CNTN1: variants seen among roughly 807,000 people sequenced by gnomAD.
CNTN1 encodes contactin 1, also known as contactin-1.
Under a neutral mutation model 126.4 loss-of-function variants are expected in CNTN1, and 38 were observed. The ratio of observed to expected loss-of-function variants is 0.30; its 90% CI spans 0.23 to 0.39. The LOEUF (loss-of-function observed/expected upper bound fraction) is 0.39, where lower values mean the gene tolerates loss of function less well. CNTN1 is among the 10% of genes least tolerant of loss of function. The pLI is 1.00. For synonymous variants in CNTN1, 413 were observed against 422.6 expected, an observed-to-expected ratio of 0.98 and a Z score of 0.28; for missense variants, 1,009 against 1,248.4, an observed-to-expected ratio of 0.81 and a Z score of 2.89.
intron 1 of CNTN1, among the ~76,000 whole-genome samples, chr12:40,749,443 C>T (rs4768306): frequency 0.13 from 19,989 of 151,934 alleles, 2,037 homozygotes; most frequent in East Asian, 0.47. Context: ...CTACTTGAGA[C>T]GTCTTTCAAA....
At position 41,029,817 on chromosome 12, in the gene CNTN1, TTCTC is replaced by T. The variant is rs1949107503; in HGVS notation, c.2980+600_2980+603del. 2.0e-5 allele frequency among the ~76,000 whole-genome samples: 3 copies of T among 152,096 alleles called. No homozygotes were observed. The South Asian group carries it at 6.2e-4, about 31-fold the overall frequency. ...ATTATAGCCCCTTTGTCTTTTCTCT[TTCTC>T]TATCTTATCTATTCCTTTTCTACAA... On this transcript the variant is annotated intron_variant, in intron 23 of 23. Coordinates refer to ENST00000551295, the MANE Select transcript of CNTN1 (RefSeq NM_001843.4).
chr12:40,854,133 G>A (rs1251650580), intron 1 of CNTN1, among the ~76,000 whole-genome samples: 1 of 151,484 alleles, frequency 6.6e-6, no homozygotes, highest in East Asian at 1.9e-4. Flanking sequence ...TAAGTAAATA[G>A]ACAGGCTGAC....
intron 16 of CNTN1, among the ~76,000 whole-genome samples, chr12:40,987,557 T>C (rs1342762613): frequency 6.6e-6 from 1 of 152,160 alleles, no homozygotes; most frequent in Non-Finnish European, 1.5e-5. Flanking sequence ...TGAAGAGGCA[T>C]AGTAACCATG....
At chr12:40,798,432 C>T (rs1009405783) in intron 1 of CNTN1, among the ~76,000 whole-genome samples, 3 of 151,896 alleles carry the variant, frequency 2.0e-5, no homozygotes, top group Admixed American at 6.6e-5. Flanking sequence ...AAATTCATTG[C>T]CTATAGACCT....
At position 40,933,754 on chromosome 12, in the gene CNTN1, G is replaced by C. The variant is rs1240319566; in HGVS notation, c.861G>C (p.Glu287Asp). The change falls in exon 9 of 24, where the codon GAG becomes GAC. Residue 287 changes from glutamate (E) to aspartate (D), a missense_variant. Coordinates refer to ENST00000551295, the MANE Select transcript of CNTN1 (RefSeq NM_001843.4). ...KVLEPMPSTA[E>D]ISTSGAVLKI... ...TAGAACCAATGCCAAGCACTGCTGA[G>C]ATTAGCACCTCTGGGGCTGTTCTTA... The C allele has an allele frequency of 2.5e-6, 4 of 1,612,916 alleles. No homozygotes were observed. Among genetic ancestry groups the C allele is most frequent in the Non-Finnish European group, 3.4e-6 (4 of 1,179,184 alleles).
At chr12:40,792,362 T>A (rs1940250139) in intron 1 of CNTN1, among the ~76,000 whole-genome samples, 1 of 152,120 alleles carries the variant, frequency 6.6e-6, no homozygotes, top group Non-Finnish European at 1.5e-5. Context: ...GTAAGATGTT[T>A]TATAGAAAAT....
At chr12:40,787,184 G>T (rs938478355) in intron 1 of CNTN1, among the ~76,000 whole-genome samples, 2 of 152,006 alleles carry the variant, frequency 1.3e-5, no homozygotes, top group Non-Finnish European at 2.9e-5. Flanking sequence ...CCTCTCAATT[G>T]TTTATCACTT....
chr12:40,837,067 C>T lies in CNTN1; in HGVS notation c.-76-71290C>T, dbSNP rs561270795. Among the ~76,000 whole-genome samples the T allele has an allele frequency of 1.5e-3, 234 of 152,280 alleles. 3 individuals are homozygous for T. Among genetic ancestry groups the T allele is most frequent in the Non-Finnish European group, 2.9e-3 (200 of 68,016 alleles). ...TATATTCATTAGATTGTTCATCTCCCTTTCCTTTTAACTAAAATATATATA... is the reference window on the plus strand; with the variant it reads ...TATATTCATTAGATTGTTCATCTCCTTTTCCTTTTAACTAAAATATATATA... On this transcript the variant is annotated intron_variant, in intron 1 of 23. Transcript: ENST00000551295.
At chr12:40,956,080 A>G (rs2136996245) in intron 14 of CNTN1, among the ~76,000 whole-genome samples, 1 of 152,252 alleles carries the variant, frequency 6.6e-6, no homozygotes, top group South Asian at 2.1e-4. Flanking sequence ...GTCATGGGTT[A>G]TATGTACTTG....
intron 1 of CNTN1, among the ~76,000 whole-genome samples, chr12:40,783,182 T>C (rs1939872571): frequency 6.6e-6 from 1 of 151,798 alleles, no homozygotes; most frequent in African/African-American, 2.4e-5. Context: ...AGTCAAAGAT[T>C]GAGTCCTAGC....
At chr12:40,947,480 T>C (rs1946471563) in intron 14 of CNTN1, among the ~76,000 whole-genome samples, 1 of 152,024 alleles carries the variant, frequency 6.6e-6, no homozygotes, top group Admixed American at 6.6e-5. Flanking sequence ...TTGGAGTAAA[T>C]ACAAAAGGCA....
chr12:40,824,532 T>C (rs1034343720), intron 1 of CNTN1, among the ~76,000 whole-genome samples: 2 of 152,116 alleles, frequency 1.3e-5, no homozygotes, highest in African/African-American at 4.8e-5. Flanking sequence ...GGATTTAAAC[T>C]CTCATTGGCT....
At chr12:40,710,316 T>C (rs992045763) in intron 1 of CNTN1, among the ~76,000 whole-genome samples, 1 of 152,172 alleles carries the variant, frequency 6.6e-6, no homozygotes, top group Non-Finnish European at 1.5e-5. Context: ...AGAACACCTA[T>C]TGATTAAGTA....
chr12:40,919,335 A>G (rs1373570674), intron 4 of CNTN1, among the ~76,000 whole-genome samples: 1 of 152,176 alleles, frequency 6.6e-6, no homozygotes, highest in Non-Finnish European at 1.5e-5. Context: ...TTACATATGT[A>G]TGCTATCTAA....
intron 1 of CNTN1, among the ~76,000 whole-genome samples, chr12:40,725,788 T>C (rs1386033556): frequency 6.6e-5 from 10 of 152,182 alleles, no homozygotes; most frequent in Non-Finnish European, 7.3e-5. Flanking sequence ...CTAATCCCTT[T>C]CCACTATTGC....
At chr12:40,929,096 G>A (rs1034884259) in intron 6 of CNTN1, among the ~76,000 whole-genome samples, 54 of 151,886 alleles carry the variant, frequency 3.6e-4, no homozygotes, top group Non-Finnish European at 5.4e-4. Flanking sequence ...TCAAAACAGA[G>A]AGGAAAGAAG....
intron 1 of CNTN1, among the ~76,000 whole-genome samples, chr12:40,728,603 T>C (rs1020167170): frequency 6.6e-6 from 1 of 152,198 alleles, no homozygotes; most frequent in Admixed American, 6.5e-5. Context: ...GGATTTGGAA[T>C]GGCTCTAAAC....
intron 19 of CNTN1, among the ~76,000 whole-genome samples, chr12:41,017,220 T>C (rs1164165738): frequency 6.6e-6 from 1 of 151,356 alleles, no homozygotes; most frequent in Non-Finnish European, 1.5e-5. Flanking sequence ...TCAGAAACTC[T>C]CCATACTTGA....
intron 15 of CNTN1, among the ~76,000 whole-genome samples, chr12:40,965,849 T>C (rs1398904583): frequency 1.3e-5 from 2 of 152,164 alleles, no homozygotes; most frequent in African/African-American, 2.4e-5. Flanking sequence ...TTGAAATTAT[T>C]ATTAAGGTAT....
Sources: gnomAD v4.1 joint callset for allele counts (sites outside exome capture counted in the v4.1 genomes callset) on GRCh38, gnomAD v4.1.1 for gene constraint, MANE v1.5 for transcripts, NCBI Gene and HGNC (gene_info 2026-07-23, HGNC 2026-07-21) for gene names.